Variants in GTF2IRD1 observed in about 807,000 individuals in gnomAD.
GTF2IRD1 encodes the protein general transcription factor II-I repeat domain-containing protein 1.
GTF2IRD1 carries 26 observed loss-of-function variants against 113.2 expected under a neutral mutation model. That is an observed-to-expected ratio of 0.23 (90% CI 0.17 to 0.32). GTF2IRD1 has a LOEUF of 0.32. Among genes scored for constraint, GTF2IRD1 ranks in the 10% least tolerant of loss-of-function variants. The pLI, the probability that GTF2IRD1 is intolerant of heterozygous loss-of-function variation, is 1.00. For missense variants in GTF2IRD1, 864 were observed against 1,280.8 expected (o/e 0.67, Z 4.97); for synonymous variants, 484 against 529.1 (o/e 0.91, Z 1.17).
intron 1 of GTF2IRD1, among the ~76,000 whole-genome samples, chr7:74,490,960 T>TA (rs782028703): frequency 2.6e-5 from 4 of 152,124 alleles, no homozygotes; most frequent in Non-Finnish European, 5.9e-5. Context: ...GAGCCAGTGT[T>TA]AATTTCCTGA....
At chr7:74,506,013 C>T (rs1554340968) in intron 1 of GTF2IRD1, 1 of 152,236 alleles carries the variant, frequency 6.6e-6, no homozygotes, top group Admixed American at 6.5e-5. Flanking sequence ...GCAAACTCAA[C>T]ATACATTTTG....
At chr7:74,464,644 C>T (rs947029456) in intron 1 of GTF2IRD1, among the ~76,000 whole-genome samples, 18 of 152,070 alleles carry the variant, frequency 1.2e-4, no homozygotes, top group African/African-American at 3.6e-4. Flanking sequence ...GACGGGGTTT[C>T]GCCATGTTGG....
chr7:74,494,336 C>T (rs2284259), intron 1 of GTF2IRD1, among the ~76,000 whole-genome samples: 13,561 of 152,224 alleles, frequency 0.089, 1,489 homozygotes, highest in East Asian at 0.38. Flanking sequence ...GGGCCTGAGC[C>T]GAGGAACAGC....
At chr7:74,455,612 C>T (rs764333406) in intron 1 of GTF2IRD1, among the ~76,000 whole-genome samples, 57 of 152,130 alleles carry the variant, frequency 3.7e-4, no homozygotes, top group Admixed American at 1.3e-3. Context: ...GTTAGGTGGC[C>T]GTCATGAACC....
At chr7:74,585,136 G>A (rs1210295899) in intron 22 of GTF2IRD1, among the ~76,000 whole-genome samples, 6 of 136,150 alleles carry the variant, frequency 4.4e-5, no homozygotes, top group South Asian at 2.4e-4. Flanking sequence ...TTTTTGAGAC[G>A]GAGTCTTGCT....
chr7:74,592,312 T>G (rs1554369983), intron 24 of GTF2IRD1, among the ~76,000 whole-genome samples: 1 of 151,150 alleles, frequency 6.6e-6, no homozygotes, highest in Non-Finnish European at 1.5e-5. Context: ...ACCATATTGG[T>G]CAGGCTGGTC....
chr7:74,514,745 C>T (rs1049593252), intron 3 of GTF2IRD1, among the ~76,000 whole-genome samples: 49 of 151,862 alleles, frequency 3.2e-4, no homozygotes, highest in African/African-American at 1.1e-3. Flanking sequence ...GAGCAGAAAA[C>T]GGTGGCATAG....
rs782243359 is a variant in GTF2IRD1, at chr7:74,601,150, A to T, written c.2736A>T (p.Ser912=). 1.9e-6 allele frequency: 3 copies of T among 1,606,840 alleles called. No individual in the cohort carries two copies. Among genetic ancestry groups the T allele is most frequent in the Middle Eastern group, 1.7e-4 (1 of 6,050 alleles). The change falls in exon 26 of 27, where the codon TCA becomes TCT. Residue 912 remains serine (S), a synonymous_variant. Coordinates refer to ENST00000424337, the MANE Select transcript of GTF2IRD1 (RefSeq NM_005685.4). ...CTTCCTCGTCCTCTAACCCGGATTC[A>T]GTGGCATCGGCCAACCAGATCTCAC... ...SSSSSSSNPD[S]VASANQISLV... is the part of the protein sequence containing the mutation.
At chr7:74,534,689 G>T (rs1317584965) in intron 9 of GTF2IRD1, among the ~76,000 whole-genome samples, 2 of 151,838 alleles carry the variant, frequency 1.3e-5, no homozygotes, top group Non-Finnish European at 2.9e-5. Context: ...CTCCAGCCTG[G>T]GCGACAGAGC....
chr7:74,460,725 G>T (rs1793308662), intron 1 of GTF2IRD1, among the ~76,000 whole-genome samples: 1 of 152,242 alleles, frequency 6.6e-6, no homozygotes, highest in Admixed American at 6.5e-5. Flanking sequence ...GGGAGGAGGG[G>T]GTGGGAAATT....
chr7:74,490,453 C>A (rs1018723211), intron 1 of GTF2IRD1, among the ~76,000 whole-genome samples: 1 of 151,966 alleles, frequency 6.6e-6, no homozygotes, highest in African/African-American at 2.4e-5. Context: ...GAATCCAGGA[C>A]CCCCAGGCCA....
At chr7:74,590,143 G>A (rs1181611747) in intron 23 of GTF2IRD1, among the ~76,000 whole-genome samples, 22 of 151,882 alleles carry the variant, frequency 1.4e-4, no homozygotes, top group Admixed American at 5.3e-4. Flanking sequence ...GTACAGTGGC[G>A]TATCTCCGCT....
intron 22 of GTF2IRD1, among the ~76,000 whole-genome samples, chr7:74,562,190 C>A (rs1382028347): frequency 6.6e-6 from 1 of 152,216 alleles, no homozygotes; most frequent in African/African-American, 2.4e-5. Context: ...CCAGCACCGG[C>A]AGTTCCAGGG....
chr7:74,544,327 A>G (rs756931136), intron 14 of GTF2IRD1, among the ~76,000 whole-genome samples: 55 of 152,200 alleles, frequency 3.6e-4, no homozygotes, highest in Non-Finnish European at 7.3e-4. Context: ...CTGGGATTAC[A>G]GGCATGCGCC....
intron 17 of GTF2IRD1, among the ~76,000 whole-genome samples, chr7:74,553,857 A>G (rs1222586794): frequency 6.6e-6 from 1 of 152,074 alleles, no homozygotes; most frequent in Non-Finnish European, 1.5e-5. Flanking sequence ...GTTCTCCCAT[A>G]AAGAGGAGGG....
Position 74,539,871 on chromosome 7 carries a change from G to A in GTF2IRD1, c.1529-8G>A, listed in dbSNP as rs1798531821. ...AGATACCCGTGTCATTCGGAGTTTT[G>A]TCTTCAGACCCCTCGCCAACCTCTG... is the stretch of plus-strand genomic sequence containing the variant. On this transcript the variant is annotated splice_region_variant and splice_polypyrimidine_tract_variant and intron_variant, in intron 13 of 26. Transcript: ENST00000424337. 1 of 1,607,860 alleles carries A rather than the reference G, an allele frequency of 6.2e-7. No homozygotes were observed. Among genetic ancestry groups the A allele is most frequent in the South Asian group, 1.1e-5 (1 of 90,910 alleles).
intron 1 of GTF2IRD1, among the ~76,000 whole-genome samples, chr7:74,495,384 G>A (rs1481933699): frequency 6.6e-6 from 1 of 152,212 alleles, no homozygotes; most frequent in Non-Finnish European, 1.5e-5. Flanking sequence ...CACCACGGAC[G>A]TCACACCCCA....
intron 1 of GTF2IRD1, among the ~76,000 whole-genome samples, chr7:74,491,870 ATTTCT>A: frequency 6.6e-6 from 1 of 152,026 alleles, no homozygotes; most frequent in South Asian, 2.1e-4. Context: ...GTCCAATGGT[ATTTCT>A]GTCTTTAGGT....
intron 20 of GTF2IRD1, among the ~76,000 whole-genome samples, chr7:74,558,347 C>CTTTTTT (rs1193682168): frequency 0.01 from 625 of 60,476 alleles, 56 homozygotes; most frequent in East Asian, 0.018. Context: ...TCTTTCGTTT[C>CTTTTTT]TTTTTTTTTT....
Sources: allele counts gnomAD v4.1 joint callset (sites outside exome capture counted in the v4.1 genomes callset), GRCh38; gene constraint gnomAD v4.1.1; transcripts MANE v1.5; gene names NCBI Gene and HGNC (gene_info 2026-07-23, HGNC 2026-07-21).